QRFP: variants seen among roughly 807,000 people sequenced by gnomAD.
QRFP encodes pyroglutamylated RFamide peptide, also known as orexigenic neuropeptide QRFP.
In QRFP, 7 loss-of-function variants were observed where a neutral mutation model predicts 9.1. The ratio of observed to expected loss-of-function variants is 0.77; its 90% CI spans 0.44 to 1.45. The LOEUF (loss-of-function observed/expected upper bound fraction) is 1.45, where lower values mean the gene tolerates loss of function less well. Among genes scored for constraint, QRFP ranks in the 40% most tolerant of loss-of-function variants. The probability of loss-of-function intolerance (pLI) is 0.01; values close to 1 mark genes in which losing one functional copy is unlikely to be tolerated. For missense variants in QRFP, 204 were observed against 185.4 expected (o/e 1.10, Z -0.58); for synonymous variants, 91 against 80.2 (o/e 1.13, Z -0.72).
chr9:130,893,734 TC>T lies in QRFP; in HGVS notation c.104del (p.Gly35GlufsTer25). 1 of 1,609,878 alleles carries T rather than the reference TC, an allele frequency of 6.2e-7. No homozygotes were observed. Among genetic ancestry groups the T allele is most frequent in the East Asian group, 2.2e-5 (1 of 44,752 alleles). ...REPTDAMGGL[G>X]AGERWADLAM... is the part of the protein sequence containing the mutation. ...CCAGGTCGGCCCAGCGTTCTCCAGC[TC>T]CGAGGCCACCCATGGCGTCTGTGGG... On this transcript the variant is annotated frameshift_variant, in exon 3 of 3. Coordinates refer to ENST00000623824, the MANE Select transcript of QRFP (RefSeq NM_198180.3). LOFTEE classifies it high-confidence loss of function.
In QRFP at chr9:130,893,456, C is replaced by G. The variant is rs956765351; in HGVS notation, c.383G>C (p.Gly128Ala). 2 of 1,588,322 alleles carry G rather than the reference C, an allele frequency of 1.3e-6. No homozygotes were observed. The highest frequency in any genetic ancestry group is 2.7e-5 in the African/African-American group (2 of 74,152). ...CCGCCGACCGAAGCGGAAGCTGAAG[C>G]CGCCTTTCTTCCTGCTGTAGCCATT... ...ELNGYSRKKG[G>A]FSFRFGRR The change falls in exon 3 of 3, where the codon GGC (glycine) becomes GCC (alanine). Residue 128 changes from glycine to alanine, a missense_variant. Coordinates refer to ENST00000623824, the MANE Select transcript of QRFP (RefSeq NM_198180.3).
rs1325642955 is a variant in QRFP, at chr9:130,893,571, T to A, written c.268A>T (p.Arg90Trp). 1 of 1,612,674 alleles carries A rather than the reference T, an allele frequency of 6.2e-7. No homozygotes were observed. The highest frequency in any genetic ancestry group is 8.5e-7 in the Non-Finnish European group (1 of 1,179,760). ...EHAGCRFRFG[R>W]QDEGSEATGF... ...GTGGCCTCACTGCCTTCGTCCTGCCTCCCGAAGCGGAATCTGCAGCCAGCA... is the reference window on the plus strand; with the variant it reads ...GTGGCCTCACTGCCTTCGTCCTGCCACCCGAAGCGGAATCTGCAGCCAGCA... The change falls in exon 3 of 3, where the codon AGG (arginine) becomes TGG (tryptophan). Residue 90 changes from arginine (R) to tryptophan (W), a missense_variant. Coordinates refer to ENST00000623824, the MANE Select transcript of QRFP (RefSeq NM_198180.3).
Position 130,893,806 on chromosome 9 carries a change from G to A in QRFP, c.33C>T (p.Leu11=). 6.4e-7 allele frequency: 1 copy of A among 1,555,186 alleles called. No homozygotes were observed. Among genetic ancestry groups the A allele is most frequent in the East Asian group, 2.3e-5 (1 of 43,998 alleles). MVRPYPLIYF[L]FLPLGACFPL... ...GGAAGCAGGCGCCCAGCGGCAGGAAGAGGAAGTAGATCAGGGGGTAAGGCC... is the reference window on the plus strand; with the variant it reads ...GGAAGCAGGCGCCCAGCGGCAGGAAAAGGAAGTAGATCAGGGGGTAAGGCC... Residue 11 remains leucine (L), a synonymous_variant, in exon 3 of 3, where the codon CTC becomes CTT. Transcript: ENST00000623824.
intron 2 of QRFP, 108 bp from the exon 3 acceptor site, chr9:130,893,946 GC>G: frequency 1.9e-6 from 2 of 1,059,390 alleles, no homozygotes; most frequent in Non-Finnish European, 2.6e-6. Context: ...TGAGCAGGGG[GC>G]TCAGCTGAGC....
At chr9:130,896,500 A>G (rs6597647) in intron 1 of QRFP, 77 bp downstream of exon 1, 98,953 of 152,104 alleles carry the variant, frequency 0.65, 33,550 homozygotes, top group African/African-American at 0.85. Context: ...GTGATGAGGC[A>G]GCCCCACCCC....
chr9:130,896,469 C>T (rs1359264596), intron 1 of QRFP, 108 bp downstream of exon 1: 1 of 152,408 alleles, frequency 6.6e-6, no homozygotes, highest in East Asian at 1.9e-4. Flanking sequence ...GATTCTCCCT[C>T]CACTGAGAGC....
At position 130,893,751 on chromosome 9, in the gene QRFP, C is replaced by A. The variant is rs540557943; in HGVS notation, c.88G>T (p.Ala30Ser). 4 of 1,608,578 alleles carry A rather than the reference C, an allele frequency of 2.5e-6. No individual in the cohort carries two copies. The highest frequency in any genetic ancestry group is 3.4e-6 in the Non-Finnish European group (4 of 1,177,592). The change falls in exon 3 of 3, where the codon GCC (alanine) becomes TCC (serine). Residue 30 changes from alanine (A) to serine (S), a missense_variant. Ala to Ser is a moderately conservative substitution (Grantham distance 99, BLOSUM62 1). Transcript: ENST00000623824. ...TCTCCAGCTCCGAGGCCACCCATGG[C>A]GTCTGTGGGCTCTCTTCTGTCCAGT... is the stretch of plus-strand genomic sequence containing the variant. ...PLLDRREPTD[A>S]MGGLGAGERW...
Position 130,893,288 on chromosome 9 carries a change from C to G in QRFP, c.*140G>C. The G allele has an allele frequency of 1.1e-6, 1 of 938,136 alleles. No homozygotes were observed. Among genetic ancestry groups the G allele is most frequent in the Middle Eastern group, 2.3e-4 (1 of 4,314 alleles). 58.1% of individuals were successfully genotyped at this position (938,136 alleles called of 1,614,324 possible). A position where few individuals can be genotyped will look rare whatever the true frequency, so the allele number is the denominator to read the frequency against. ...AAATCAAAAGTAAGCACACACCTAACCTGTCCTACCATGGATCGTTCATCG... is the reference window on the plus strand; with the variant it reads ...AAATCAAAAGTAAGCACACACCTAAGCTGTCCTACCATGGATCGTTCATCG... On this transcript the variant is annotated 3_prime_UTR_variant, in exon 3 of 3. Transcript: ENST00000623824.
intron 1 of QRFP, among the ~76,000 whole-genome samples, chr9:130,896,359 G>T (rs1831759800): frequency 6.6e-6 from 1 of 152,192 alleles, no homozygotes; most frequent in South Asian, 2.1e-4. Context: ...GTGGCCCCCA[G>T]CCCCTCCCAC....
At position 130,893,624 on chromosome 9, in the gene QRFP, C is replaced by G; in HGVS notation, c.215G>C (p.Arg72Thr). ...SQPQALLVIA[R>T]GLQTSGREHA... ...CTCTCTGCCCGATGTCTGCAGCCCC[C>G]TGGCTATGACAAGCAGGGCCTGTGG... Residue 72 changes from arginine to threonine, a missense_variant, in exon 3 of 3, where the codon AGG becomes ACG. Transcript: ENST00000623824. 2 of 1,609,388 alleles carry G rather than the reference C, an allele frequency of 1.2e-6. No homozygotes were observed. Among genetic ancestry groups the G allele is most frequent in the Non-Finnish European group, 1.7e-6 (2 of 1,177,348 alleles).
Position 130,893,574 on chromosome 9 carries a change from C to T in QRFP, c.265G>A (p.Gly89Arg), listed in dbSNP as rs145714651. Residue 89 changes from glycine to arginine, a missense_variant, in exon 3 of 3, where the codon GGG becomes AGG. By Grantham distance (125) the Gly-to-Arg change is moderately radical. Coordinates refer to ENST00000623824, the MANE Select transcript of QRFP (RefSeq NM_198180.3). ...GCCTCACTGCCTTCGTCCTGCCTCC[C>T]GAAGCGGAATCTGCAGCCAGCATGC... ...REHAGCRFRF[G>R]RQDEGSEATG... 5.3e-5 allele frequency: 86 copies of T among 1,612,838 alleles called. No homozygotes were observed. The highest frequency in any genetic ancestry group is 2.3e-4 in the African/African-American group (17 of 75,066).
At chr9:130,893,909 C>T in intron 2 of QRFP, 71 bp from the exon 3 acceptor site, 2 of 1,420,200 alleles carry the variant, frequency 1.4e-6, no homozygotes, top group Non-Finnish European at 1.9e-6. Context: ...CAAAATGTTT[C>T]CCCGGGACAG....
In QRFP at chr9:130,892,733, G is replaced by C. The variant is rs1182730229; in HGVS notation, c.*695C>G. 6.6e-6 allele frequency: 1 copy of C among 152,204 alleles called. No homozygotes were observed. Among genetic ancestry groups the C allele is most frequent in the Non-Finnish European group, 1.5e-5 (1 of 68,032 alleles). 9.4% of individuals were successfully genotyped at this position (152,204 alleles called of 1,614,324 possible). ...TTTGCAGTTGTCACAACTTTTATTT[G>C]AAAAGATACACACGACATATTCTGA... On this transcript the variant is annotated 3_prime_UTR_variant, in exon 3 of 3. Transcript: ENST00000623824.
At chr9:130,894,099 C>A (rs1831725923) in intron 2 of QRFP, among the ~76,000 whole-genome samples, 1 of 152,252 alleles carries the variant, frequency 6.6e-6, no homozygotes, top group African/African-American at 2.4e-5. Context: ...TCCACCGCTG[C>A]TGGCTGGCAG....
rs559109990 is a variant in QRFP at position 130,896,239 on chromosome 9, G to A, written c.-285-258C>T. Among the ~76,000 whole-genome samples the A allele has an allele frequency of 1.5e-3, 231 of 152,326 alleles. 2 individuals carry two copies. Among genetic ancestry groups the A allele is most frequent in the Non-Finnish European group, 3.2e-4 (22 of 68,014 alleles). On this transcript the variant is annotated intron_variant, in intron 1 of 2. Coordinates refer to ENST00000623824, the MANE Select transcript of QRFP (RefSeq NM_198180.3). ...GTGTTTCACAGGCACCGGGCTGCGC[G>A]GCTAAGCCAGGTGCACCTCCCCGGC...
At chr9:130,895,493 C>T (rs1317419560) in intron 2 of QRFP, among the ~76,000 whole-genome samples, 2 of 152,356 alleles carry the variant, frequency 1.3e-5, no homozygotes, top group African/African-American at 2.4e-5. Context: ...AGGAAAAGCA[C>T]GGGTGAGGCT....
rs924039456 is a variant in QRFP, at chr9:130,893,256, A to C, written c.*172T>G. On this transcript the variant is annotated 3_prime_UTR_variant, in exon 3 of 3. Coordinates refer to ENST00000623824, the MANE Select transcript of QRFP (RefSeq NM_198180.3). The stretch of plus-strand genomic sequence containing the variant: ...CACTGCCTAGTTTTTCGCTTCAGCA[A>C]AGTTGGAAATCAAAAGTAAGCACAC... 1.5e-6 allele frequency: 1 copy of C among 656,920 alleles called. No homozygotes were observed. Among genetic ancestry groups the C allele is most frequent in the Non-Finnish European group, 2.4e-6 (1 of 423,650 alleles). 40.7% of individuals were successfully genotyped at this position (656,920 alleles called of 1,614,324 possible). A position where few individuals can be genotyped will look rare whatever the true frequency, so the allele number is the denominator to read the frequency against.
rs1588287309 is a variant in QRFP at position 130,893,479 on chromosome 9, A to G, written c.360T>C (p.Asn120=). ...GPLGNLAEEL[N]GYSRKKGGFS... ...AGCCGCCTTTCTTCCTGCTGTAGCC[A>G]TTGAGCTCCTCAGCCAGGTTCCCTA... The change falls in exon 3 of 3, where the codon AAT becomes AAC. Residue 120 remains asparagine (N), a synonymous_variant. Coordinates refer to ENST00000623824, the MANE Select transcript of QRFP (RefSeq NM_198180.3). 10 of 1,604,974 alleles carry G rather than the reference A, an allele frequency of 6.2e-6. No individual in the cohort carries two copies. Among genetic ancestry groups the G allele is most frequent in the Non-Finnish European group, 8.5e-6 (10 of 1,174,014 alleles).
chr9:130,893,349 T>TGA lies in QRFP; in HGVS notation c.*77_*78dup. On this transcript the variant is annotated 3_prime_UTR_variant, in exon 3 of 3. Transcript: ENST00000623824. ...TACATCATCTGGGTGTCGTGGTCTT[T>TGA]GAGACTGGGGGAGAAGGCAGGAGTG... 1 of 1,434,256 alleles carries TGA rather than the reference T, an allele frequency of 7.0e-7. No homozygotes were observed. Among genetic ancestry groups the TGA allele is most frequent in the Non-Finnish European group, 9.4e-7 (1 of 1,062,376 alleles). The allele number at this position is 1,434,256 out of a possible 1,614,324, so 88.8% of individuals were successfully genotyped here. A position where few individuals can be genotyped will look rare whatever the true frequency, so the allele number is the denominator to read the frequency against.
Sources: gnomAD v4.1 joint callset for allele counts (sites outside exome capture counted in the v4.1 genomes callset) on GRCh38, gnomAD v4.1.1 for gene constraint, MANE v1.5 for transcripts, NCBI Gene and HGNC (gene_info 2026-07-23, HGNC 2026-07-21) for gene names.